Variants in SLC9A5 observed in about 807,000 individuals in gnomAD.
The protein encoded by SLC9A5 is sodium/hydrogen exchanger 5.
SLC9A5 carries 52 observed loss-of-function variants against 91.7 expected under a neutral mutation model. The observed-to-expected ratio is 0.57, with a 90% CI of 0.45 to 0.71. SLC9A5 has a LOEUF of 0.71. Among genes scored for constraint, SLC9A5 ranks in the 30% least tolerant of loss-of-function variants. The probability of loss-of-function intolerance (pLI) is 0.00; values close to 1 mark genes in which losing one functional copy is unlikely to be tolerated. For missense variants in SLC9A5, 871 were observed against 1,158.9 expected, an observed-to-expected ratio of 0.75 and a Z score of 3.61; for synonymous variants, 419 against 474.5, an observed-to-expected ratio of 0.88 and a Z score of 1.52.
At position 67,252,921 on chromosome 16, in the gene SLC9A5, T is replaced by A. The variant is rs1056741639; in HGVS notation, c.490+77T>A. 1.5e-6 allele frequency: 2 copies of A among 1,334,546 alleles called. No homozygotes were observed. The highest frequency in any genetic ancestry group is 1.5e-5 in the African/African-American group (1 of 68,836). 82.7% of individuals were successfully genotyped at this position (1,334,546 alleles called of 1,614,324 possible). On this transcript the variant is annotated intron_variant, in intron 2 of 15. Transcript: ENST00000299798. This position sits in a 1 kb window ranked among gnomAD's most constrained non-coding sequence, Gnocchi z 4.0. ...CTCCTCAAGCTCTGGAGGCCCATGC[T>A]GGTGTGAGCCATGCCCTGAAAGCTC...
intron 14 of SLC9A5, 148 bp downstream of exon 14, chr16:67,265,254 G>A: frequency 1.4e-6 from 1 of 702,056 alleles, no homozygotes; most frequent in Non-Finnish European, 2.5e-6. Flanking sequence ...TTCCAAGTTG[G>A]AAATGTTCAA....
At position 67,252,206 on chromosome 16, in the gene SLC9A5, T is replaced by C. The variant is rs1395996173; in HGVS notation, c.188-336T>C. Among the ~76,000 whole-genome samples, 1 of 152,040 alleles carries C rather than the reference T, an allele frequency of 6.6e-6. No individual in the cohort carries two copies. The highest frequency in any genetic ancestry group is 1.5e-5 in the Non-Finnish European group (1 of 68,018). On this transcript the variant is annotated intron_variant, in intron 1 of 15. Coordinates refer to ENST00000299798, the MANE Select transcript of SLC9A5 (RefSeq NM_004594.3). This position sits in a 1 kb window ranked among gnomAD's most constrained non-coding sequence, Gnocchi z 4.0. Reference sequence around the variant, plus strand: ...GGCTCACACCTGTAATCCCAGCACTTTGGGAGGCCAAGGTGGGCGGATCAT... The same window carrying C: ...GGCTCACACCTGTAATCCCAGCACTCTGGGAGGCCAAGGTGGGCGGATCAT...
chr16:67,266,299 T>C lies in SLC9A5; in HGVS notation c.2218+74T>C. 3.6e-6 allele frequency: 5 copies of C among 1,389,954 alleles called. No individual in the cohort carries two copies. In the South Asian group the frequency reaches 7.6e-5, roughly 21 times the overall value. The allele number at this position is 1,389,954 out of a possible 1,614,324, so 86.1% of individuals were successfully genotyped here. A position where few individuals can be genotyped will look rare whatever the true frequency, so the allele number is the denominator to read the frequency against. Reference sequence around the variant, plus strand: ...CTCTCTCTTCACTCATGGCCTCTACTCCAGACAACTCCCTTTTCCTATTCA... The same window carrying C: ...CTCTCTCTTCACTCATGGCCTCTACCCCAGACAACTCCCTTTTCCTATTCA... On this transcript the variant is annotated intron_variant, in intron 15 of 15. Coordinates refer to ENST00000299798, the MANE Select transcript of SLC9A5 (RefSeq NM_004594.3).
chr16:67,249,207 T>G lies in SLC9A5; in HGVS notation c.187+6T>G. The G allele has an allele frequency of 6.9e-7, 1 of 1,451,244 alleles. No individual in the cohort carries two copies. 89.9% of individuals were successfully genotyped at this position (1,451,244 alleles called of 1,614,324 possible). A position where few individuals can be genotyped will look rare whatever the true frequency, so the allele number is the denominator to read the frequency against. ...GGCCAGTCTGGCCAAAATCGGTGAG[T>G]GCGTGTGTGCGTGCGCCAGGCCGAC... On this transcript the variant is annotated splice_donor_region_variant and intron_variant, in intron 1 of 15. Coordinates refer to ENST00000299798, the MANE Select transcript of SLC9A5 (RefSeq NM_004594.3).
Position 67,252,748 on chromosome 16 carries a change from T to G in SLC9A5, c.394T>G (p.Leu132Val), listed in dbSNP as rs371456290. Residue 132 changes from leucine (L) to valine (V), a missense_variant, in exon 2 of 16, where the codon TTG (leucine) becomes GTG (valine). Leu to Val is a conservative substitution (Grantham distance 32, BLOSUM62 1). Transcript: ENST00000299798. The surrounding 1 kb of genome is among the most constrained non-coding windows in gnomAD (Gnocchi z 4.0). ...GCCTAGCAGGCTGTTCTTTGACAAC[T>G]TGGGTGCCATCCTCACCTATGCCGT... is the stretch of plus-strand genomic sequence containing the variant. Reference protein sequence around the residue: ...FMPSRLFFDNLGAILTYAVVG... With the variant: ...FMPSRLFFDNVGAILTYAVVG... 3.5e-5 allele frequency: 56 copies of G among 1,614,074 alleles called. No individual in the cohort carries two copies. The highest frequency in any genetic ancestry group is 3.8e-5 in the Non-Finnish European group (45 of 1,180,046).
intron 2 of SLC9A5, among the ~76,000 whole-genome samples, chr16:67,253,420 C>A (rs1463277208): frequency 6.6e-6 from 1 of 152,036 alleles, no homozygotes; most frequent in Non-Finnish European, 1.5e-5. Context: ...TCATAGCAAC[C>A]CTTTTGTGTA....
At chr16:67,251,866 A>G (rs933449991) in intron 1 of SLC9A5, among the ~76,000 whole-genome samples, 1 of 152,170 alleles carries the variant, frequency 6.6e-6, no homozygotes, top group Non-Finnish European at 1.5e-5. Flanking sequence ...CTTGACTCCA[A>G]AGACCCTGAT....
Position 67,255,082 on chromosome 16 carries a change from G to A in SLC9A5, c.552G>A (p.Val184=). 3.1e-6 allele frequency: 5 copies of A among 1,614,068 alleles called. No individual in the cohort carries two copies. The highest frequency in any genetic ancestry group is 2.5e-6 in the Non-Finnish European group (3 of 1,179,990). ...FLLFGSLISA[V]DPVAVLAVFE... is the part of the protein sequence containing the mutation. ...TGTTTGGGAGCCTCATCTCGGCGGT[G>A]GACCCCGTGGCCGTGCTAGCTGTCT... Residue 184 remains valine, a synonymous_variant, in exon 3 of 16, where the codon GTG becomes GTA. Coordinates refer to ENST00000299798, the MANE Select transcript of SLC9A5 (RefSeq NM_004594.3). This position sits in a 1 kb window ranked among gnomAD's most constrained non-coding sequence, Gnocchi z 4.9.
At chr16:67,263,306 C>A (rs2035591727) in intron 12 of SLC9A5, 1 of 151,884 alleles carries the variant, frequency 6.6e-6, no homozygotes, top group African/African-American at 2.4e-5. Flanking sequence ...AGAACTGGTT[C>A]AGGGAAGCAG....
chr16:67,253,948 C>T lies in SLC9A5; in HGVS notation c.491-1073C>T, dbSNP rs151013175. On this transcript the variant is annotated intron_variant, in intron 2 of 15. Transcript: ENST00000299798. ...GATTCACACTTTTTCCAAGGTATTA[C>T]AAGAAAACGTTTACAATTGCTACCT... Among the ~76,000 whole-genome samples the T allele has an allele frequency of 6.4e-3, 971 of 152,276 alleles. 8 individuals are homozygous for T. Among genetic ancestry groups the T allele is most frequent in the African/African-American group, 0.022 (908 of 41,544 alleles).
chr16:67,270,606 A>G lies in SLC9A5; in HGVS notation c.2219-132A>G. On this transcript the variant is annotated intron_variant, in intron 15 of 15. Coordinates refer to ENST00000299798, the MANE Select transcript of SLC9A5 (RefSeq NM_004594.3). The surrounding 1 kb of genome is among the most constrained non-coding windows in gnomAD (Gnocchi z 4.3). ...AAAACAAGCTGTGGTACTTCGCCTC[A>G]GCAAGACATTCATCCGATAATCGCA... 1 of 652,210 alleles carries G rather than the reference A, an allele frequency of 1.5e-6. No homozygotes were observed. Among genetic ancestry groups the G allele is most frequent in the Non-Finnish European group, 2.6e-6 (1 of 382,970 alleles). The allele number at this position is 652,210 out of a possible 1,614,324, so 40.4% of individuals were successfully genotyped here.
At chr16:67,266,301 C>G in intron 15 of SLC9A5, 76 bp downstream of exon 15, 1 of 1,388,286 alleles carries the variant, frequency 7.2e-7, no homozygotes, top group Non-Finnish European at 9.7e-7. Flanking sequence ...GCCTCTACTC[C>G]AGACAACTCC....
rs779932670 is a variant in SLC9A5 at position 67,255,357 on chromosome 16, T to C, written c.655-36T>C. The C allele has an allele frequency of 4.4e-6, 7 of 1,591,912 alleles. No individual in the cohort carries two copies. In the South Asian group the frequency reaches 7.7e-5, roughly 18 times the overall value. ...CTCCCAGCAGTCCCAGTTGCTGCCT[T>C]CCCGCCTCACTGCTGACTCTCCTCT... On this transcript the variant is annotated intron_variant, in intron 3 of 15. Transcript: ENST00000299798. This position sits in a 1 kb window ranked among gnomAD's most constrained non-coding sequence, Gnocchi z 4.9.
chr16:67,269,867 G>C (rs1005912014), intron 15 of SLC9A5, among the ~76,000 whole-genome samples: 4 of 152,116 alleles, frequency 2.6e-5, no homozygotes, highest in Non-Finnish European at 4.4e-5. Flanking sequence ...GGGATTCTTA[G>C]CTCAGGTCCC....
At chr16:67,267,783 G>A (rs1267760504) in intron 15 of SLC9A5, among the ~76,000 whole-genome samples, 1 of 152,140 alleles carries the variant, frequency 6.6e-6, no homozygotes, top group African/African-American at 2.4e-5. Flanking sequence ...ACCCTCAAGT[G>A]TCTTTAAACA....
At chr16:67,253,727 T>A (rs926291800) in intron 2 of SLC9A5, among the ~76,000 whole-genome samples, 2 of 152,216 alleles carry the variant, frequency 1.3e-5, no homozygotes, top group African/African-American at 4.8e-5. Context: ...TTCGCCATGT[T>A]GGCCAGGCTG....
At chr16:67,262,766 G>C (rs2035573029) in intron 12 of SLC9A5, 1 of 162,670 alleles carries the variant, frequency 6.1e-6, no homozygotes, top group East Asian at 1.7e-4. Flanking sequence ...GAGAGCCAAA[G>C]ACAAGGAACC....
At position 67,258,182 on chromosome 16, in the gene SLC9A5, T is replaced by G; in HGVS notation, c.1497-136T>G. The G allele has an allele frequency of 1.3e-6, 1 of 794,094 alleles. No individual in the cohort carries two copies. 49.2% of individuals were successfully genotyped at this position (794,094 alleles called of 1,614,324 possible). On this transcript the variant is annotated intron_variant, in intron 9 of 15. Transcript: ENST00000299798. This position sits in a 1 kb window ranked among gnomAD's most constrained non-coding sequence, Gnocchi z 4.5. ...AATTCCATGAGGGCAGGGACTAGCCTTGAGATTCTCTCTGGCTGAGGCCCA... is the reference window on the plus strand; with the variant it reads ...AATTCCATGAGGGCAGGGACTAGCCGTGAGATTCTCTCTGGCTGAGGCCCA...
chr16:67,255,323 G>T lies in SLC9A5; in HGVS notation c.655-70G>T. 1 of 1,542,216 alleles carries T rather than the reference G, an allele frequency of 6.5e-7. No homozygotes were observed. ...TGTCTGCTTTCACCCTGCTCTCCCAGCAGTCTGTCTCCCAGCAGTCCCAGT... is the reference window on the plus strand; with the variant it reads ...TGTCTGCTTTCACCCTGCTCTCCCATCAGTCTGTCTCCCAGCAGTCCCAGT... On this transcript the variant is annotated intron_variant, in intron 3 of 15. Coordinates refer to ENST00000299798, the MANE Select transcript of SLC9A5 (RefSeq NM_004594.3). This position sits in a 1 kb window ranked among gnomAD's most constrained non-coding sequence, Gnocchi z 4.9.
Sources: allele counts gnomAD v4.1 joint callset (sites outside exome capture counted in the v4.1 genomes callset), GRCh38; gene constraint gnomAD v4.1.1; non-coding constraint Gnocchi (gnomAD v3.1); transcripts MANE v1.5; gene names NCBI Gene and HGNC (gene_info 2026-07-23, HGNC 2026-07-21).